LARP4B: variants seen among roughly 807,000 people sequenced by gnomAD.
LARP4B encodes La ribonucleoprotein 4B, also known as la-related protein 4B.
A neutral mutation model predicts 89.8 loss-of-function variants in LARP4B; 12 were observed. The ratio of observed to expected loss-of-function variants is 0.13; its 90% CI spans 0.09 to 0.22. The LOEUF (loss-of-function observed/expected upper bound fraction) is 0.22, where lower values mean the gene tolerates loss of function less well. Among genes scored for constraint, LARP4B ranks in the 10% least tolerant of loss-of-function variants. The pLI, the probability that LARP4B is intolerant of heterozygous loss-of-function variation, is 1.00. For synonymous variants in LARP4B, 367 were observed against 363.3 expected, an observed-to-expected ratio of 1.01 and a Z score of -0.12; for missense variants, 757 against 947.7, an observed-to-expected ratio of 0.80 and a Z score of 2.64.
chr10:866,989 T>C (rs1834933232), intron 3 of LARP4B, among the ~76,000 whole-genome samples: 1 of 152,062 alleles, frequency 6.6e-6, no homozygotes, highest in African/African-American at 2.4e-5. Flanking sequence ...AGTAGGGAGG[T>C]GCTCAAGATA....
the LARP4B span, among the ~76,000 whole-genome samples, chr10:945,420 C>T: frequency 2.0e-5 from 3 of 150,226 alleles, no homozygotes; most frequent in African/African-American, 4.9e-5. Context: ...GGCATGGTGG[C>T]TCACACCTGT....
the LARP4B span, among the ~76,000 whole-genome samples, chr10:982,157 C>T: frequency 8.8e-5 from 12 of 136,012 alleles, no homozygotes; most frequent in Admixed American, 9.2e-4. Context: ...ACTATGTTGC[C>T]CAGGCTGGAG....
At chr10:841,217 C>A (rs1833506111) in intron 7 of LARP4B, among the ~76,000 whole-genome samples, 2 of 152,198 alleles carry the variant, frequency 1.3e-5, no homozygotes. Context: ...GAGAACTTTG[C>A]TCCTGCGGAC....
chr10:825,635 G>T, intron 12 of LARP4B, 129 bp downstream of exon 12: 1 of 666,966 alleles, frequency 1.5e-6, no homozygotes, highest in Non-Finnish European at 2.6e-6. Context: ...AGTCTTTACA[G>T]AATGCAGCTG....
intron 1 of LARP4B, among the ~76,000 whole-genome samples, chr10:918,370 T>C (rs899642192): frequency 1.4e-4 from 22 of 152,162 alleles, no homozygotes; most frequent in African/African-American, 2.4e-4. Flanking sequence ...TGATGGCACA[T>C]GCCTGTAATC....
chr10:937,836 C>T, the LARP4B span, among the ~76,000 whole-genome samples: 1 of 152,176 alleles, frequency 6.6e-6, no homozygotes, highest in Admixed American at 6.5e-5. Context: ...TCAGAGGAAA[C>T]ATTCGCTGTG....
At chr10:876,389 AAAAAG>A (rs886233599) in intron 3 of LARP4B, among the ~76,000 whole-genome samples, 5 of 152,206 alleles carry the variant, frequency 3.3e-5, no homozygotes, top group African/African-American at 1.2e-4. Flanking sequence ...CCGTCTCAGA[AAAAAG>A]AAAAGAAAAA....
the LARP4B span, among the ~76,000 whole-genome samples, chr10:980,868 A>G: frequency 1.3e-5 from 2 of 152,176 alleles, no homozygotes; most frequent in South Asian, 4.2e-4. Context: ...CCTCTCCTTA[A>G]AAAGCTTTTT....
the LARP4B span, among the ~76,000 whole-genome samples, chr10:961,189 C>T: frequency 2.6e-5 from 4 of 152,234 alleles, no homozygotes; most frequent in African/African-American, 7.2e-5. Flanking sequence ...AGGAAAATGA[C>T]GTAGGTCAGA....
rs140704829 is a variant in LARP4B at position 889,459 on chromosome 10, A to G, written c.-39-3699T>C. ...ATGCACACCTTTGGGATGTGGGAAG[A>G]AACTGGAATACCCGTAAGAAAACAC... On this transcript the variant is annotated intron_variant, in intron 1 of 17. Coordinates refer to ENST00000316157, the MANE Select transcript of LARP4B (RefSeq NM_015155.3). 9.2e-5 allele frequency among the ~76,000 whole-genome samples: 14 copies of G among 152,328 alleles called. No individual in the cohort carries two copies. The East Asian group carries it at 2.7e-3, about 29-fold the overall frequency.
chr10:867,115 T>TGGTA (rs1834940415), intron 3 of LARP4B, among the ~76,000 whole-genome samples: 1 of 152,270 alleles, frequency 6.6e-6, no homozygotes, highest in South Asian at 2.1e-4. Flanking sequence ...AACCAATGAC[T>TGGTA]ACCTCTTAGT....
chr10:986,319 C>T, the LARP4B span: 1 of 152,206 alleles, frequency 6.6e-6, no homozygotes, highest in Non-Finnish European at 1.5e-5. Flanking sequence ...CAGAGGCGTC[C>T]TGGCAGCTGG....
At chr10:905,187 C>T (rs1436572983) in intron 1 of LARP4B, among the ~76,000 whole-genome samples, 1 of 152,182 alleles carries the variant, frequency 6.6e-6, no homozygotes, top group Non-Finnish European at 1.5e-5. Context: ...ATAAAAATGT[C>T]TTCCTCAAGT....
upstream of LARP4B, among the ~76,000 whole-genome samples, chr10:935,744 A>C (rs1045276133): frequency 1.4e-3 from 64 of 45,840 alleles, 1 homozygote; most frequent in Admixed American, 6.2e-3. Flanking sequence ...TTTTTTTTTG[A>C]GTCTCCCTCT....
At chr10:936,208 CA>C (rs1244579159), upstream of LARP4B, among the ~76,000 whole-genome samples, 1 of 152,114 alleles carries the variant, frequency 6.6e-6, no homozygotes, top group South Asian at 2.1e-4. Flanking sequence ...TTGCAGAGAT[CA>C]GGGGAGCATC....
At chr10:971,453 A>G in the LARP4B span, 1 of 152,228 alleles carries the variant, frequency 6.6e-6, no homozygotes, top group Admixed American at 6.5e-5. Flanking sequence ...AAACTATTTT[A>G]TAACAATAGT....
At chr10:847,938 T>C (rs556132118) in intron 5 of LARP4B, among the ~76,000 whole-genome samples, 2 of 152,180 alleles carry the variant, frequency 1.3e-5, no homozygotes, top group South Asian at 4.1e-4. Flanking sequence ...TGTATGGCTG[T>C]GTGGAAGAGA....
intron 14 of LARP4B, chr10:818,822 G>A (rs1166333565): frequency 1.3e-5 from 2 of 152,214 alleles, no homozygotes; most frequent in Non-Finnish European, 2.9e-5. Context: ...CCACCTAACT[G>A]GAAAGTGCCA....
chr10:836,594 C>T (rs1833232820), intron 7 of LARP4B, 88 bp from the exon 8 acceptor site: 2 of 804,828 alleles, frequency 2.5e-6, no homozygotes, highest in Admixed American at 2.4e-5. Flanking sequence ...TACTATATTA[C>T]TAAATAAGCT....
Sources: allele counts gnomAD v4.1 joint callset (sites outside exome capture counted in the v4.1 genomes callset), GRCh38; gene constraint gnomAD v4.1.1; transcripts MANE v1.5; gene names NCBI Gene and HGNC (gene_info 2026-07-23, HGNC 2026-07-21).